SDHA: variants seen among roughly 807,000 people sequenced by gnomAD.
The protein encoded by SDHA is succinate dehydrogenase [ubiquinone] flavoprotein subunit, mitochondrial.
Under a neutral mutation model 78.4 loss-of-function variants are expected in SDHA, and 48 were observed. The observed-to-expected ratio is 0.61, with a 90% CI of 0.49 to 0.78. The LOEUF (loss-of-function observed/expected upper bound fraction) is 0.78, where lower values mean the gene tolerates loss of function less well. Ranked by LOEUF, SDHA falls within the 30% of genes least tolerant of loss-of-function variation. SDHA has a pLI of 0.00. For missense variants in SDHA, 680 were observed against 892.7 expected (o/e 0.76, Z 3.04); for synonymous variants, 326 against 353.9 (o/e 0.92, Z 0.88).
chr5:220,751 C>T (rs774460492), intron 1 of SDHA, among the ~76,000 whole-genome samples: 15 of 151,876 alleles, frequency 9.9e-5, no homozygotes, highest in Non-Finnish European at 7.3e-5. Flanking sequence ...ATGTTTGAAA[C>T]CTTTGGTGAT....
chr5:232,342 C>T (rs1190474064), intron 7 of SDHA, among the ~76,000 whole-genome samples: 1 of 152,142 alleles, frequency 6.6e-6, no homozygotes, highest in Non-Finnish European at 1.5e-5. Context: ...TCCCAAACAG[C>T]TGGGACTACA....
intron 11 of SDHA, chr5:249,429 C>T (rs575477190): frequency 7.4e-5 from 12 of 161,736 alleles, no homozygotes; most frequent in East Asian, 1.9e-4. Context: ...ATGATGCCCA[C>T]GCTGGAAGGT....
downstream of SDHA, among the ~76,000 whole-genome samples, chr5:257,817 G>T (rs554308138): frequency 3.2e-4 from 14 of 43,726 alleles, no homozygotes; most frequent in African/African-American, 9.6e-4. Flanking sequence ...AGCATTACTG[G>T]GTGAGCTCCA....
At chr5:233,304 T>C (rs1284291216) in intron 7 of SDHA, among the ~76,000 whole-genome samples, 173 bp from the exon 8 acceptor site, 9 of 152,236 alleles carry the variant, frequency 5.9e-5, no homozygotes, top group Non-Finnish European at 1.0e-4. Flanking sequence ...GTCAGTGCTT[T>C]TTGTTATCCA....
At chr5:223,280 G>A (rs1368486611) in intron 1 of SDHA, among the ~76,000 whole-genome samples, 2 of 152,236 alleles carry the variant, frequency 1.3e-5, no homozygotes, top group Non-Finnish European at 2.9e-5. Context: ...GGGTGGAAAC[G>A]AGGACCTGGG....
At chr5:229,410 A>G (rs1353338311) in intron 6 of SDHA, among the ~76,000 whole-genome samples, 14 of 152,266 alleles carry the variant, frequency 9.2e-5, no homozygotes, top group Non-Finnish European at 1.2e-4. Flanking sequence ...ACAACTGAAT[A>G]TTATTCGGCT....
chr5:220,179 C>T (rs1199131255), intron 1 of SDHA: 3 of 351,894 alleles, frequency 8.5e-6, no homozygotes, highest in Middle Eastern at 3.9e-4. Context: ...GTATTTACAA[C>T]TGCTTTCAAG....
rs1734989377 is a variant in SDHA, at chr5:225,920, A to G, written c.494A>G (p.Asp165Gly). 2.5e-6 allele frequency: 4 copies of G among 1,613,508 alleles called. No homozygotes were observed. In the African/African-American group the frequency reaches 4.0e-5, roughly 16 times the overall value. ...GGCATGCCGTTTAGCAGAACTGAAG[A>G]TGGGAAGATTTATCAGCGTGCATTT... ...NYGMPFSRTE[D>G]GKIYQRAFGG... The change falls in exon 5 of 15, where the codon GAT (aspartate) becomes GGT (glycine). Residue 165 changes from aspartate to glycine, a missense_variant. Coordinates refer to ENST00000264932, the MANE Select transcript of SDHA (RefSeq NM_004168.4).
At chr5:263,278 ATT>A in the SDHA span, among the ~76,000 whole-genome samples, 20 of 150,132 alleles carry the variant, frequency 1.3e-4, no homozygotes, top group East Asian at 7.8e-4. Flanking sequence ...TTATATTTAG[ATT>A]TTTTTTTTAA....
In SDHA at chr5:235,242, T is replaced by C. The variant is rs1419241279; in HGVS notation, c.1163T>C (p.Met388Thr). The change falls in exon 9 of 15, where the codon ATG (methionine) becomes ACG (threonine). Residue 388 changes from methionine to threonine, a missense_variant. By Grantham distance (81) the Met-to-Thr change is moderately conservative. Coordinates refer to ENST00000264932, the MANE Select transcript of SDHA (RefSeq NM_004168.4). Reference sequence around the variant, plus strand: ...CTGCCTGGCATTTCAGAGACAGCCATGATCTTCGCTGGCGTGGACGTCACG... The same window carrying C: ...CTGCCTGGCATTTCAGAGACAGCCACGATCTTCGCTGGCGTGGACGTCACG... ...TRLPGISETA[M>T]IFAGVDVTKE... The C allele has an allele frequency of 1.2e-6, 2 of 1,613,954 alleles. No individual in the cohort carries two copies. The highest frequency in any genetic ancestry group is 2.2e-5 in the East Asian group (1 of 44,872).
chr5:220,087 G>C (rs1370090380), intron 1 of SDHA, among the ~76,000 whole-genome samples: 2 of 152,202 alleles, frequency 1.3e-5, no homozygotes, highest in African/African-American at 2.4e-5. Context: ...TTGGAAAATA[G>C]ATGCTGAGGA....
chr5:267,658 G>C, the SDHA span, among the ~76,000 whole-genome samples: 1 of 152,284 alleles, frequency 6.6e-6, no homozygotes, highest in East Asian at 1.9e-4. Context: ...TGAGAGAAAC[G>C]AGACCAAAGG....
At chr5:257,273 C>T (rs1737262578), downstream of SDHA, among the ~76,000 whole-genome samples, 1 of 152,280 alleles carries the variant, frequency 6.6e-6, no homozygotes, top group South Asian at 2.1e-4. Context: ...CTGTTAGGAA[C>T]CAGGCCGCAC....
At chr5:252,045 C>T (rs10067355) in intron 13 of SDHA, among the ~76,000 whole-genome samples, 22,071 of 127,768 alleles carry the variant, frequency 0.17, 3,716 homozygotes, top group African/African-American at 0.45. Flanking sequence ...CAGACCTGCC[C>T]TGTGGTGGAA....
the SDHA span, among the ~76,000 whole-genome samples, chr5:266,040 G>A: frequency 1.0e-5 from 1 of 96,096 alleles, no homozygotes; most frequent in Non-Finnish European, 1.9e-5. Context: ...CAGTCCTGGA[G>A]GGACCCTACC....
chr5:235,205 C>A lies in SDHA; in HGVS notation c.1126C>A (p.Leu376Met). The change falls in exon 9 of 15, where the codon CTG becomes ATG. Residue 376 changes from leucine to methionine, a missense_variant. Transcript: ENST00000264932. The part of the protein sequence containing the change: ...LQLHHLPPEQ[L>M]ATRLPGISET... ...GCTGCACCACCTACCTCCAGAGCAG[C>A]TGGCCACGCGCCTGCCTGGCATTTC... 6.2e-7 allele frequency: 1 copy of A among 1,614,018 alleles called. No homozygotes were observed.
chr5:261,293 C>A (rs28862059), downstream of SDHA, among the ~76,000 whole-genome samples: 1 of 4,028 alleles, frequency 2.5e-4, no homozygotes, highest in Admixed American at 2.2e-3. Flanking sequence ...TCCGCCTCCC[C>A]GCAGAGCATT....
intron 11 of SDHA, among the ~76,000 whole-genome samples, chr5:242,580 A>G (rs1321610125): frequency 6.6e-6 from 1 of 151,868 alleles, no homozygotes; most frequent in African/African-American, 2.4e-5. Context: ...CACACACTAT[A>G]TTTCTGTGTG....
At chr5:240,143 G>T (rs1238178412) in intron 10 of SDHA, among the ~76,000 whole-genome samples, 1 of 152,120 alleles carries the variant, frequency 6.6e-6, no homozygotes, top group Non-Finnish European at 1.5e-5. Flanking sequence ...TATCTACTGT[G>T]TGCCAACAAT....
Sources: gnomAD v4.1 joint callset for allele counts (sites outside exome capture counted in the v4.1 genomes callset) on GRCh38, gnomAD v4.1.1 for gene constraint, MANE v1.5 for transcripts, NCBI Gene and HGNC (gene_info 2026-07-23, HGNC 2026-07-21) for gene names.